LIN7A: variants seen among roughly 807,000 people sequenced by gnomAD.
LIN7A encodes the protein protein lin-7 homolog A.
Under a neutral mutation model 29.8 loss-of-function variants are expected in LIN7A, and 25 were observed. That is an observed-to-expected ratio of 0.84 (90% confidence interval 0.61 to 1.17). The LOEUF (loss-of-function observed/expected upper bound fraction) is 1.17, where lower values mean the gene tolerates loss of function less well. LIN7A is among the 50% of genes most tolerant of loss of function. The pLI is 0.00. For missense variants in LIN7A, 239 were observed against 287.0 expected, an observed-to-expected ratio of 0.83 and a Z score of 1.21; for synonymous variants, 118 against 107.5, an observed-to-expected ratio of 1.10 and a Z score of -0.60.
chr12:80,854,721 A>G (rs1426199900), intron 2 of LIN7A, among the ~76,000 whole-genome samples: 3 of 152,066 alleles, frequency 2.0e-5, no homozygotes, highest in Non-Finnish European at 2.9e-5. Context: ...TTAGAACAAC[A>G]CACTAAAAAG....
intron 4 of LIN7A, among the ~76,000 whole-genome samples, chr12:80,817,798 G>T (rs988493948): frequency 1.2e-4 from 18 of 152,076 alleles, no homozygotes; most frequent in Non-Finnish European, 2.4e-4. Flanking sequence ...TGTAGGTCTG[G>T]ATTAGAACTC....
intron 4 of LIN7A, among the ~76,000 whole-genome samples, chr12:80,818,409 C>G (rs1226532296): frequency 1.3e-5 from 2 of 152,156 alleles, no homozygotes; most frequent in African/African-American, 4.8e-5. Context: ...ATCCTTGCAA[C>G]ATATCTGTTA....
At chr12:80,892,845 T>C (rs767660998) in intron 1 of LIN7A, among the ~76,000 whole-genome samples, 45 of 152,196 alleles carry the variant, frequency 3.0e-4, no homozygotes, top group African/African-American at 1.0e-3. Context: ...CTAGTTTGCA[T>C]GGGTAATTTT....
At chr12:80,885,636 T>C (rs1348893042) in intron 2 of LIN7A, among the ~76,000 whole-genome samples, 1 of 152,140 alleles carries the variant, frequency 6.6e-6, no homozygotes, top group Non-Finnish European at 1.5e-5. Context: ...TATTTCTTGA[T>C]AGAGGAATGC....
At chr12:80,837,629 G>C (rs1333394918) in intron 4 of LIN7A, among the ~76,000 whole-genome samples, 1 of 152,130 alleles carries the variant, frequency 6.6e-6, no homozygotes, top group Non-Finnish European at 1.5e-5. Context: ...CCAGGGCTGT[G>C]AGATAATACA....
intron 4 of LIN7A, among the ~76,000 whole-genome samples, chr12:80,825,415 T>A (rs1371758035): frequency 6.6e-6 from 1 of 152,220 alleles, no homozygotes; most frequent in Non-Finnish European, 1.5e-5. Flanking sequence ...GTACCCATAA[T>A]CAGATGAAGA....
At chr12:80,911,822 G>A (rs1433993605) in intron 1 of LIN7A, among the ~76,000 whole-genome samples, 1 of 151,984 alleles carries the variant, frequency 6.6e-6, no homozygotes, top group Non-Finnish European at 1.5e-5. Context: ...TTTAATGCAA[G>A]ACAAATTACT....
intron 4 of LIN7A, among the ~76,000 whole-genome samples, chr12:80,819,558 AAT>A (rs758388727): frequency 2.0e-5 from 3 of 151,000 alleles, no homozygotes; most frequent in Non-Finnish European, 2.9e-5. Context: ...GAACTCAATA[AAT>A]AGTCAATGAA....
intron 2 of LIN7A, among the ~76,000 whole-genome samples, chr12:80,887,640 T>A (rs1166811362): frequency 6.6e-6 from 1 of 152,124 alleles, no homozygotes; most frequent in African/African-American, 2.4e-5. Flanking sequence ...ATAATAGAGC[T>A]TCAACATGAC....
At chr12:80,890,333 C>A (rs1025656686) in intron 1 of LIN7A, among the ~76,000 whole-genome samples, 1 of 152,054 alleles carries the variant, frequency 6.6e-6, no homozygotes, top group Non-Finnish European at 1.5e-5. Context: ...ATGAGGTTTT[C>A]GATTCCTAAG....
At chr12:80,912,012 C>CCATT (rs1555229441) in intron 1 of LIN7A, among the ~76,000 whole-genome samples, 2 of 151,686 alleles carry the variant, frequency 1.3e-5, no homozygotes, top group Non-Finnish European at 2.9e-5. Flanking sequence ...ATTTATTTCT[C>CCATT]TATTAACAGA....
At chr12:80,835,727 C>T (rs974309439) in intron 4 of LIN7A, among the ~76,000 whole-genome samples, 18 of 152,136 alleles carry the variant, frequency 1.2e-4, no homozygotes, top group African/African-American at 4.1e-4. Flanking sequence ...TTTTGCTTTA[C>T]GTATGACAAA....
chr12:80,846,019 G>T, intron 3 of LIN7A, 80 bp from the exon 4 acceptor site: 1 of 1,228,066 alleles, frequency 8.1e-7, no homozygotes, highest in South Asian at 1.7e-5. Flanking sequence ...GCAGTGGGTA[G>T]CTCAGGCAAC....
intron 2 of LIN7A, among the ~76,000 whole-genome samples, chr12:80,884,073 A>G (rs947240789): frequency 2.0e-5 from 3 of 152,250 alleles, no homozygotes; most frequent in Non-Finnish European, 4.4e-5. Context: ...AATGAGAGAT[A>G]ATCAAGAAGC....
chr12:80,832,502 C>T, intron 4 of LIN7A: 1 of 473,036 alleles, frequency 2.1e-6, no homozygotes, highest in African/African-American at 2.0e-5. Context: ...CAATTGAGAT[C>T]AAGCCTTGGA....
intron 1 of LIN7A, among the ~76,000 whole-genome samples, chr12:80,903,440 AAGTG>A (rs1158686124): frequency 6.6e-6 from 1 of 152,102 alleles, no homozygotes; most frequent in African/African-American, 2.4e-5. Context: ...TCCCACTTAT[AAGTG>A]AGAACATGTG....
chr12:80,793,847 C>G lies in LIN7A; in HGVS notation c.*3880G>C, dbSNP rs1446609930. The G allele has an allele frequency of 6.6e-6, 1 of 151,956 alleles. No individual in the cohort carries two copies. Among genetic ancestry groups the G allele is most frequent in the African/African-American group, 2.4e-5 (1 of 41,388 alleles). The allele number at this position is 151,956 out of a possible 1,614,324, so 9.4% of individuals were successfully genotyped here. A position where few individuals can be genotyped will look rare whatever the true frequency, so the allele number is the denominator to read the frequency against. ...TCTTTTTATATAAAAATGAAAATATCTTTTATAAAATTTAAAAATGGGGTT... is the reference window on the plus strand; with the variant it reads ...TCTTTTTATATAAAAATGAAAATATGTTTTATAAAATTTAAAAATGGGGTT... On this transcript the variant is annotated 3_prime_UTR_variant, in exon 6 of 6. Transcript: ENST00000552864.
chr12:80,900,013 C>T (rs572256465), intron 1 of LIN7A, among the ~76,000 whole-genome samples: 3 of 151,872 alleles, frequency 2.0e-5, no homozygotes, highest in East Asian at 1.9e-4. Context: ...GTGATCTGCC[C>T]GCCTCGGCCT....
chr12:80,823,625 A>T (rs1286249486), intron 4 of LIN7A, among the ~76,000 whole-genome samples: 1 of 152,202 alleles, frequency 6.6e-6, no homozygotes, highest in Admixed American at 6.5e-5. Flanking sequence ...GCTGAGCACA[A>T]CTTGCCAGGC....
Sources: allele counts gnomAD v4.1 joint callset (sites outside exome capture counted in the v4.1 genomes callset), GRCh38; gene constraint gnomAD v4.1.1; transcripts MANE v1.5; gene names NCBI Gene and HGNC (gene_info 2026-07-23, HGNC 2026-07-21).